DNAH17: variants seen among roughly 807,000 people sequenced by gnomAD.
The protein encoded by DNAH17 is axonemal beta dynein heavy chain 17.
In DNAH17, 376 loss-of-function variants were observed where a neutral mutation model predicts 485.6. The observed-to-expected ratio is 0.77, with a 90% CI of 0.71 to 0.84. The LOEUF is 0.84. DNAH17 is among the 40% of genes least tolerant of loss of function. The pLI is 0.00. For synonymous variants in DNAH17, 3,031 were observed against 2,405.9 expected, an observed-to-expected ratio of 1.26 and a Z score of -7.60; for missense variants, 6,370 against 5,839.3, an observed-to-expected ratio of 1.09 and a Z score of -2.96.
At chr17:78,493,977 G>T (rs983751724) in intron 41 of DNAH17, 59 bp downstream of exon 41, 6 of 1,558,826 alleles carry the variant, frequency 3.8e-6, no homozygotes, top group Non-Finnish European at 5.2e-6. Context: ...CCGACCCTTC[G>T]CCCCAGCCCT....
Position 78,423,983 on chromosome 17 carries a change from A to G in DNAH17, c.13312T>C (p.Trp4438Arg), listed in dbSNP as rs775310662. 16 of 1,613,940 alleles carry G rather than the reference A, an allele frequency of 9.9e-6. No homozygotes were observed. In the Admixed American group the frequency reaches 2.7e-4, roughly 27 times the overall value. The change falls in exon 81 of 81, where the codon TGG becomes CGG. Residue 4438 changes from tryptophan to arginine, a missense_variant. By Grantham distance (101) the Trp-to-Arg change is moderately radical. Coordinates refer to ENST00000389840, the MANE Select transcript of DNAH17 (RefSeq NM_173628.4). Reference protein sequence around the residue: ...KTRIRGPTYVWTFNLKTKEKA... With the variant: ...KTRIRGPTYVRTFNLKTKEKA... ...TCTTTGGTCTTCAAGTTAAAGGTCCAGACATAGGTGGGGCCGCGGATGCGT... is the reference window on the plus strand; with the variant it reads ...TCTTTGGTCTTCAAGTTAAAGGTCCGGACATAGGTGGGGCCGCGGATGCGT...
chr17:78,541,391 G>A (rs187686509), intron 17 of DNAH17, among the ~76,000 whole-genome samples: 1 of 149,250 alleles, frequency 6.7e-6, no homozygotes, highest in Non-Finnish European at 1.5e-5. Flanking sequence ...ATGGATGGAT[G>A]GATGGATGGG....
intron 68 of DNAH17, chr17:78,450,003 G>T (rs1003366785): frequency 2.0e-5 from 11 of 546,674 alleles, no homozygotes; most frequent in African/African-American, 1.9e-4. Context: ...TGGGTTGTGA[G>T]TGCCTGGAGG....
At position 78,475,299 on chromosome 17, in the gene DNAH17, G is replaced by T. The variant is rs1382817957; in HGVS notation, c.8490C>A (p.Gly2830=). 25 of 1,614,024 alleles carry T rather than the reference G, an allele frequency of 1.5e-5. No individual in the cohort carries two copies. Among genetic ancestry groups the T allele is most frequent in the Non-Finnish European group, 2.1e-5 (25 of 1,179,898 alleles). ...LDVFQITLKK[G]YGIPDLKIDL... ...TCACCTTGAGGTCGGGGATCCCGTAGCCCTTCTTGAGGGTGATCTGAAACA... is the reference window on the plus strand; with the variant it reads ...TCACCTTGAGGTCGGGGATCCCGTATCCCTTCTTGAGGGTGATCTGAAACA... The change falls in exon 54 of 81, where the codon GGC becomes GGA. Residue 2830 remains glycine (G), a synonymous_variant. Transcript: ENST00000389840.
intron 75 of DNAH17, among the ~76,000 whole-genome samples, chr17:78,430,472 G>A (rs2086634724): frequency 1.3e-5 from 2 of 152,152 alleles, no homozygotes; most frequent in Non-Finnish European, 2.9e-5. Context: ...CTGTGCGCTG[G>A]CCGGAAGAGC....
chr17:78,473,715 G>A (rs2088879947), intron 54 of DNAH17, among the ~76,000 whole-genome samples: 1 of 152,058 alleles, frequency 6.6e-6, no homozygotes, highest in Non-Finnish European at 1.5e-5. Context: ...GCCCCAACAG[G>A]AAGGATCAGG....
At position 78,501,794 on chromosome 17, in the gene DNAH17, C is replaced by T. The variant is rs2090302128; in HGVS notation, c.5270G>A (p.Cys1757Tyr). 6.2e-7 allele frequency: 1 copy of T among 1,613,954 alleles called. No individual in the cohort carries two copies. The highest frequency in any genetic ancestry group is 8.5e-7 in the Non-Finnish European group (1 of 1,179,898). ...GTCCCGTGCGTGCACATCGATGGTG[C>T]AGATGGTCATGATCTTCATCCTGTC... is the stretch of plus-strand genomic sequence containing the variant. Reference protein sequence around the residue: ...AGDRMKIMTICTIDVHARDVV... With the variant: ...AGDRMKIMTIYTIDVHARDVV... The change falls in exon 34 of 81, where the codon TGC (cysteine) becomes TAC (tyrosine). Residue 1757 changes from cysteine to tyrosine, a missense_variant. Physicochemically the swap from Cys to Tyr is radical, Grantham distance 194. Transcript: ENST00000389840.
chr17:78,563,805 A>G (rs1215428021), intron 11 of DNAH17, among the ~76,000 whole-genome samples: 1 of 152,106 alleles, frequency 6.6e-6, no homozygotes, highest in Non-Finnish European at 1.5e-5. Context: ...GCCCTATCCT[A>G]TTTAGAGCAC....
At position 78,486,405 on chromosome 17, in the gene DNAH17, C is replaced by A. The variant is rs754142297; in HGVS notation, c.6920G>T (p.Arg2307Leu). ...KYLPTCLDKL[R>L]FGFKKITPVP... ...TGGCGTGATCTTCTTGAACCCAAAG[C>A]GCAACTTGTCCAGGCACGTGGGCAG... is the stretch of plus-strand genomic sequence containing the variant. The change falls in exon 45 of 81, where the codon CGC (arginine) becomes CTC (leucine). Residue 2307 changes from arginine to leucine, a missense_variant. Coordinates refer to ENST00000389840, the MANE Select transcript of DNAH17 (RefSeq NM_173628.4). 3 of 1,613,722 alleles carry A rather than the reference C, an allele frequency of 1.9e-6. No homozygotes were observed. Among genetic ancestry groups the A allele is most frequent in the African/African-American group, 1.3e-5 (1 of 74,902 alleles).
chr17:78,445,809 G>A, intron 69 of DNAH17, 129 bp from the exon 70 acceptor site: 1 of 1,000,244 alleles, frequency 1.0e-6, no homozygotes, highest in Non-Finnish European at 1.4e-6. Flanking sequence ...CTGCCCCTTT[G>A]GTTTGGGGTA....
intron 51 of DNAH17, among the ~76,000 whole-genome samples, chr17:78,477,290 A>T (rs1258177062): frequency 6.6e-6 from 1 of 152,214 alleles, no homozygotes; most frequent in Admixed American, 6.5e-5. Flanking sequence ...TATGCTCTGA[A>T]TGACAAACCC....
At chr17:78,489,824 C>T (rs910306224) in intron 44 of DNAH17, among the ~76,000 whole-genome samples, 5 of 3,368 alleles carry the variant, frequency 1.5e-3, no homozygotes, top group Middle Eastern at 0.056. Flanking sequence ...ACTGGGTGGG[C>T]GGGAGGGTGA....
At chr17:78,468,487 C>G in intron 55 of DNAH17, 130 bp downstream of exon 55, 1 of 1,268,254 alleles carries the variant, frequency 7.9e-7, no homozygotes, top group Non-Finnish European at 1.1e-6. Context: ...ACCCCTCACA[C>G]TCTCCTAACA....
In DNAH17 at chr17:78,577,376, G is replaced by A. The variant is rs569418034; in HGVS notation, c.-107C>T. ...GGAAAGAAAATGGCTCCCTTCCCTC[G>A]AGGGGCTCCAACTGCCACATAACTT... On this transcript the variant is annotated 5_prime_UTR_variant, in exon 1 of 81. Transcript: ENST00000389840. 2 of 152,208 alleles carry A rather than the reference G, an allele frequency of 1.3e-5. No homozygotes were observed. Among genetic ancestry groups the A allele is most frequent in the African/African-American group, 4.8e-5 (2 of 41,426 alleles). The allele number at this position is 152,208 out of a possible 1,614,324, so 9.4% of individuals were successfully genotyped here.
At position 78,557,636 on chromosome 17, in the gene DNAH17, C is replaced by CAAAAAAAA. The variant is rs34251460; in HGVS notation, c.2178+464_2178+471dup. ...CCTGGGTGACAGAGTGAGACTGTCT[C>CAAAAAAAA]AAAAAAAAAAAAAAAAAAAAAAAAA... On this transcript the variant is annotated intron_variant, in intron 14 of 80. Coordinates refer to ENST00000389840, the MANE Select transcript of DNAH17 (RefSeq NM_173628.4). Among the ~76,000 whole-genome samples the CAAAAAAAA allele has an allele frequency of 2.5e-3, 74 of 29,038 alleles. 4 individuals carry two copies. The highest frequency in any genetic ancestry group is 5.0e-3 in the African/African-American group (52 of 10,470). 19.1% of individuals were successfully genotyped at this position (29,038 alleles called of 152,430 possible).
In DNAH17 at chr17:78,566,749, G is replaced by T; in HGVS notation, c.1453-19C>A. 19 of 1,561,386 alleles carry T rather than the reference G, an allele frequency of 1.2e-5. No homozygotes were observed. Among genetic ancestry groups the T allele is most frequent in the Non-Finnish European group, 1.7e-5 (19 of 1,147,450 alleles). On this transcript the variant is annotated intron_variant, in intron 10 of 80. Coordinates refer to ENST00000389840, the MANE Select transcript of DNAH17 (RefSeq NM_173628.4). ...CAAAATTCTAAAAGCAAATGGAAAT[G>T]TCAACCTTGTAATCAGCGTGCAAAG...
At chr17:78,489,937 C>T (rs2089777349) in intron 44 of DNAH17, 2 of 152,112 alleles carry the variant, frequency 1.3e-5, no homozygotes, top group South Asian at 2.1e-4. Context: ...AGGAACACCT[C>T]ACTGGGATTT....
intron 80 of DNAH17, chr17:78,425,058 C>T (rs372832048): frequency 3.0e-5 from 9 of 297,536 alleles, no homozygotes; most frequent in East Asian, 2.0e-4. Flanking sequence ...CTTTTCATCA[C>T]GTCGGAGCTG....
intron 74 of DNAH17, 40 bp downstream of exon 74, chr17:78,437,601 G>C (rs2086891191): frequency 1.3e-6 from 2 of 1,520,706 alleles, no homozygotes; most frequent in Non-Finnish European, 1.8e-6. Flanking sequence ...CCAGGCCGTG[G>C]CATGGGATGG....
Sources: gnomAD v4.1 joint callset for allele counts (sites outside exome capture counted in the v4.1 genomes callset) on GRCh38, gnomAD v4.1.1 for gene constraint, MANE v1.5 for transcripts, NCBI Gene and HGNC (gene_info 2026-07-23, HGNC 2026-07-21) for gene names.